KAZN: variants seen among roughly 807,000 people sequenced by gnomAD.
KAZN encodes the protein kazrin, periplakin interacting protein, also known as kazrin.
Under a neutral mutation model 87.4 loss-of-function variants are expected in KAZN, and 40 were observed. The ratio of observed to expected loss-of-function variants is 0.46; its 90% CI spans 0.36 to 0.60. The LOEUF is 0.60. Ranked by LOEUF, KAZN falls within the 20% of genes least tolerant of loss-of-function variation. The pLI is 0.00. For synonymous variants in KAZN, 466 were observed against 458.3 expected, an observed-to-expected ratio of 1.02 and a Z score of -0.22; for missense variants, 898 against 1,073.9, an observed-to-expected ratio of 0.84 and a Z score of 2.29.
chr1:14,890,509 C>CT (rs34732218), intron 1 of KAZN, among the ~76,000 whole-genome samples: 105,976 of 150,790 alleles, frequency 0.7, 38,571 homozygotes, highest in South Asian at 0.81. Context: ...AAATTTAAAT[C>CT]TTTTTTTTTT....
At chr1:14,231,981 G>A (rs910388447) in intron 2 of KAZN, among the ~76,000 whole-genome samples, 1 of 152,094 alleles carries the variant, frequency 6.6e-6, no homozygotes, top group Admixed American at 6.6e-5. Context: ...GCTTGGGAGG[G>A]GTTTATATGG....
chr1:15,095,073 G>T (rs943256279), intron 10 of KAZN, 140 bp downstream of exon 10: 5 of 636,922 alleles, frequency 7.9e-6, no homozygotes, highest in South Asian at 1.8e-5. Flanking sequence ...ATGGTCCGGG[G>T]ATGCCCCTGA....
upstream of KAZN, among the ~76,000 whole-genome samples, chr1:14,598,217 G>A (rs768211135): frequency 8.5e-5 from 13 of 152,082 alleles, no homozygotes; most frequent in Admixed American, 2.0e-4. This position sits in a 1 kb window ranked among gnomAD's most constrained non-coding sequence, Gnocchi z 4.2. Flanking sequence ...AGAGGCACGC[G>A]GGGCACCAGC....
chr1:14,376,212 G>A (rs1557673592), intron 2 of KAZN, among the ~76,000 whole-genome samples: 1 of 152,118 alleles, frequency 6.6e-6, no homozygotes, highest in Non-Finnish European at 1.5e-5. Flanking sequence ...GCATGGCCCT[G>A]TACATGCATC....
intron 1 of KAZN, among the ~76,000 whole-genome samples, chr1:14,136,234 C>A (rs1645106819): frequency 6.6e-6 from 1 of 152,052 alleles, no homozygotes. Context: ...TTTTGGGGAG[C>A]CCCGGCCTCA....
At chr1:14,533,501 C>T (rs372803698) in intron 2 of KAZN, among the ~76,000 whole-genome samples, 5 of 152,306 alleles carry the variant, frequency 3.3e-5, no homozygotes, top group African/African-American at 7.2e-5. Flanking sequence ...TCCAAACTCA[C>T]GGCTCTGCAT....
intron 1 of KAZN, among the ~76,000 whole-genome samples, chr1:13,908,950 G>A (rs901555293): frequency 1.3e-5 from 2 of 152,140 alleles, no homozygotes; most frequent in African/African-American, 4.8e-5. Context: ...CTACTCCTTG[G>A]GCTGCCTTTT....
chr1:13,951,484 A>G (rs1374387715), intron 1 of KAZN, among the ~76,000 whole-genome samples: 2 of 152,070 alleles, frequency 1.3e-5, no homozygotes, highest in African/African-American at 2.4e-5. Context: ...AAGAATTATT[A>G]CTAATGTCCC....
chr1:14,784,834 G>A (rs911471895), intron 1 of KAZN, among the ~76,000 whole-genome samples: 1 of 152,180 alleles, frequency 6.6e-6, no homozygotes, highest in Non-Finnish European at 1.5e-5. Flanking sequence ...TGGGACAGGC[G>A]GAAATACATG....
intron 2 of KAZN, among the ~76,000 whole-genome samples, chr1:15,022,519 C>T (rs1477142015): frequency 6.6e-6 from 1 of 152,226 alleles, no homozygotes; most frequent in African/African-American, 2.4e-5. Flanking sequence ...GTCTGTAGAG[C>T]CTGGTCCCTC....
At chr1:15,092,073 A>ATTTTTTTTTTTT (rs58871336) in intron 8 of KAZN, among the ~76,000 whole-genome samples, 10 of 75,474 alleles carry the variant, frequency 1.3e-4, no homozygotes, top group East Asian at 1.1e-3. Context: ...TTTTTTTTTG[A>ATTTTTTTTTTTT]TTTTTTTTTT....
At chr1:14,410,538 T>G (rs1664222679) in intron 2 of KAZN, among the ~76,000 whole-genome samples, 1 of 152,188 alleles carries the variant, frequency 6.6e-6, no homozygotes, top group Non-Finnish European at 1.5e-5. Context: ...GACAGCAAGT[T>G]CTAATCCCTA....
intron 1 of KAZN, among the ~76,000 whole-genome samples, chr1:14,764,835 CTG>C (rs1316828113): frequency 2.0e-5 from 3 of 152,164 alleles, no homozygotes; most frequent in Admixed American, 1.3e-4. Flanking sequence ...GCCAGTAAAA[CTG>C]TGGGTGCTTT....
At chr1:14,228,995 G>A (rs1238160913) in intron 2 of KAZN, among the ~76,000 whole-genome samples, 1 of 152,208 alleles carries the variant, frequency 6.6e-6, no homozygotes, top group East Asian at 1.9e-4. Flanking sequence ...TAACAGGAGA[G>A]CTTTGAAGAT....
At chr1:14,879,454 G>T (rs1653101183) in intron 1 of KAZN, among the ~76,000 whole-genome samples, 1 of 151,988 alleles carries the variant, frequency 6.6e-6, no homozygotes, top group African/African-American at 2.4e-5. Flanking sequence ...ACGTACAGGA[G>T]TAAATAGTTC....
At chr1:15,041,739 C>A (rs1033350972) in intron 3 of KAZN, among the ~76,000 whole-genome samples, 2 of 152,176 alleles carry the variant, frequency 1.3e-5, no homozygotes, top group South Asian at 4.2e-4. Flanking sequence ...TTGGCCAAAT[C>A]CCACCCTCAG....
intron 1 of KAZN, among the ~76,000 whole-genome samples, chr1:14,853,070 T>C (rs961553339): frequency 6.6e-6 from 1 of 152,230 alleles, no homozygotes; most frequent in African/African-American, 2.4e-5. Flanking sequence ...TGACTTCATC[T>C]GGCTCACTCC....
At chr1:14,828,699 C>T (rs1170210914) in intron 1 of KAZN, among the ~76,000 whole-genome samples, 1 of 151,938 alleles carries the variant, frequency 6.6e-6, no homozygotes, top group African/African-American at 2.4e-5. Context: ...ATGTTTTTTT[C>T]CCCCACTAAA....
intron 2 of KAZN, among the ~76,000 whole-genome samples, chr1:14,348,695 C>T (rs1029442649): frequency 6.6e-6 from 1 of 152,192 alleles, no homozygotes; most frequent in East Asian, 1.9e-4. Context: ...GAAAAGGAGG[C>T]AGTGAAATGG....
Sources: allele counts gnomAD v4.1 joint callset (sites outside exome capture counted in the v4.1 genomes callset), GRCh38; gene constraint gnomAD v4.1.1; non-coding constraint Gnocchi (gnomAD v3.1); transcripts MANE v1.5; gene names NCBI Gene and HGNC (gene_info 2026-07-23, HGNC 2026-07-21).